The following RBFOX1 variants were observed in gnomAD, a reference collection of about 807,000 sequenced individuals.
RBFOX1 encodes RNA binding fox-1 homolog 1, also known as RNA binding protein fox-1 homolog 1.
RBFOX1 carries 8 observed loss-of-function variants against 57.7 expected under a neutral mutation model. The ratio of observed to expected loss-of-function variants is 0.14; its 90% CI spans 0.08 to 0.25. The LOEUF (loss-of-function observed/expected upper bound fraction) is 0.25, where lower values mean the gene tolerates loss of function less well. Ranked by LOEUF, RBFOX1 falls within the 10% of genes least tolerant of loss-of-function variation. The probability of loss-of-function intolerance (pLI) is 1.00; values close to 1 mark genes in which losing one functional copy is unlikely to be tolerated. For synonymous variants in RBFOX1, 326 were observed against 222.4 expected (o/e 1.47, Z -4.15); for missense variants, 611 against 548.5 (o/e 1.11, Z -1.14).
At chr16:6,800,338 C>G (rs538285142) in intron 3 of RBFOX1, among the ~76,000 whole-genome samples, 1 of 152,144 alleles carries the variant, frequency 6.6e-6, no homozygotes, top group African/African-American at 2.4e-5. Flanking sequence ...AAAGTCAGGG[C>G]TACCTATTTT....
intron 1 of RBFOX1, among the ~76,000 whole-genome samples, chr16:5,267,808 A>G (rs768850386): frequency 2.0e-5 from 3 of 152,062 alleles, no homozygotes; most frequent in Admixed American, 1.3e-4. Context: ...GAGGTCAGGC[A>G]TGGTGGCTTA....
chr16:6,041,354 G>C (rs1401852226), intron 1 of RBFOX1, among the ~76,000 whole-genome samples: 1 of 152,116 alleles, frequency 6.6e-6, no homozygotes. Flanking sequence ...GGGGAGAGGA[G>C]ATATCAAAGA....
chr16:6,022,808 T>A (rs934747206), intron 1 of RBFOX1, among the ~76,000 whole-genome samples: 1 of 152,246 alleles, frequency 6.6e-6, no homozygotes, highest in Non-Finnish European at 1.5e-5. Flanking sequence ...ATAAATGAAC[T>A]GAATGCACAA....
chr16:6,455,634 A>G (rs2429652), intron 2 of RBFOX1, among the ~76,000 whole-genome samples: 120,919 of 151,634 alleles, frequency 0.8, 48,316 homozygotes, highest in Middle Eastern at 0.87. Flanking sequence ...GAGGCTTACC[A>G]TATAGACAGG....
chr16:5,909,615 C>T (rs556277913), intron 4 of RBFOX1, among the ~76,000 whole-genome samples: 3 of 152,120 alleles, frequency 2.0e-5, no homozygotes, highest in Non-Finnish European at 4.4e-5. Context: ...CACTGGAGAG[C>T]CTAACTCTGT....
chr16:7,535,582 G>T (rs2081281717), intron 5 of RBFOX1, among the ~76,000 whole-genome samples: 1 of 152,186 alleles, frequency 6.6e-6, no homozygotes, highest in African/African-American at 2.4e-5. Context: ...GAGTCTATCA[G>T]ATCTTTGTTC....
intron 1 of RBFOX1, among the ~76,000 whole-genome samples, chr16:6,143,441 G>A (rs987635272): frequency 6.6e-6 from 1 of 152,162 alleles, no homozygotes; most frequent in African/African-American, 2.4e-5. Context: ...TTTCCTTTCA[G>A]GAGGTGATCC....
At chr16:6,086,703 C>G (rs1254684090) in intron 1 of RBFOX1, among the ~76,000 whole-genome samples, 1 of 152,180 alleles carries the variant, frequency 6.6e-6, no homozygotes, top group African/African-American at 2.4e-5. Flanking sequence ...AGAATACCTT[C>G]TTTTGTGTGG....
chr16:7,304,408 G>T (rs893335899), intron 4 of RBFOX1: 1 of 985,378 alleles, frequency 1.0e-6, no homozygotes, highest in Non-Finnish European at 1.2e-6. Context: ...TCTGACGGGG[G>T]CCACCTGCGT....
At chr16:5,485,345 C>CAAAAAAAAAA (rs71142624) in intron 2 of RBFOX1, among the ~76,000 whole-genome samples, 7,749 of 51,472 alleles carry the variant, frequency 0.15, 1,494 homozygotes, top group Non-Finnish European at 0.19. Context: ...GACTCCGTGT[C>CAAAAAAAAAA]AAAAAAAAAA....
chr16:5,508,845 A>C (rs1367370996), intron 2 of RBFOX1, among the ~76,000 whole-genome samples: 1 of 152,124 alleles, frequency 6.6e-6, no homozygotes, highest in Non-Finnish European at 1.5e-5. Flanking sequence ...ATGTGGTGGG[A>C]CTGTATTCCT....
intron 4 of RBFOX1, among the ~76,000 whole-genome samples, chr16:7,307,774 G>C (rs1467860545): frequency 1.3e-5 from 2 of 152,110 alleles, no homozygotes; most frequent in African/African-American, 2.4e-5. Flanking sequence ...CTAGTATAGA[G>C]CATATATTTT....
intron 1 of RBFOX1, among the ~76,000 whole-genome samples, chr16:5,462,481 T>A (rs2068823137): frequency 6.6e-6 from 1 of 151,886 alleles, no homozygotes; most frequent in Non-Finnish European, 1.5e-5. Flanking sequence ...ACCCAGTGAG[T>A]TTCTAATGCA....
intron 2 of RBFOX1, among the ~76,000 whole-genome samples, chr16:6,538,347 C>G (rs144316931): frequency 2.0e-5 from 3 of 152,224 alleles, no homozygotes; most frequent in African/African-American, 7.2e-5. Context: ...AATAAATTAG[C>G]TGAGTGTGGT....
At chr16:5,753,814 A>G (rs915239675) in intron 3 of RBFOX1, among the ~76,000 whole-genome samples, 2 of 151,970 alleles carry the variant, frequency 1.3e-5, no homozygotes, top group Admixed American at 1.3e-4. Flanking sequence ...CCTCAGATCT[A>G]CAAATAAGTA....
At chr16:7,698,955 T>A (rs1047272225) in intron 14 of RBFOX1, among the ~76,000 whole-genome samples, 1 of 152,186 alleles carries the variant, frequency 6.6e-6, no homozygotes, top group Non-Finnish European at 1.5e-5. Flanking sequence ...GCTGTATCCA[T>A]GCATGCAGAA....
intron 3 of RBFOX1, among the ~76,000 whole-genome samples, chr16:6,969,392 C>A (rs1371781162): frequency 6.7e-6 from 1 of 150,234 alleles, no homozygotes; most frequent in African/African-American, 2.5e-5. Context: ...ATATTTTGTT[C>A]ATGATGCATA....
At chr16:6,767,500 A>G (rs892802900) in intron 3 of RBFOX1, among the ~76,000 whole-genome samples, 5 of 152,148 alleles carry the variant, frequency 3.3e-5, no homozygotes, top group African/African-American at 1.2e-4. Context: ...GCTTAAGCCA[A>G]TTTGAGCCAG....
intron 1 of RBFOX1, among the ~76,000 whole-genome samples, chr16:6,294,137 G>C (rs958837411): frequency 6.6e-6 from 1 of 151,666 alleles, no homozygotes; most frequent in Non-Finnish European, 1.5e-5. Flanking sequence ...AGCTATGCTG[G>C]TGCCACTGCA....
Sources: gnomAD v4.1 joint callset for allele counts (sites outside exome capture counted in the v4.1 genomes callset) on GRCh38, gnomAD v4.1.1 for gene constraint, MANE v1.5 for transcripts, NCBI Gene and HGNC (gene_info 2026-07-23, HGNC 2026-07-21) for gene names.